The following PIEZO2 variants were observed in gnomAD, a reference collection of about 807,000 sequenced individuals.
PIEZO2 encodes piezo type mechanosensitive ion channel component 2.
A neutral mutation model predicts 337.3 loss-of-function variants in PIEZO2; 172 were observed. The ratio of observed to expected loss-of-function variants is 0.51; its 90% confidence interval spans 0.45 to 0.58. The LOEUF (loss-of-function observed/expected upper bound fraction) is 0.58. Ranked by LOEUF, PIEZO2 falls within the 20% of genes least tolerant of loss-of-function variation. The probability of loss-of-function intolerance (pLI) is 0.00; values close to 1 mark genes in which losing one functional copy is unlikely to be tolerated. For missense variants in PIEZO2, 3,028 were observed against 3,391.3 expected (o/e 0.89, Z 2.66); for synonymous variants, 1,251 against 1,228.5 (o/e 1.02, Z -0.38).
At chr18:11,006,095 G>A (rs1280647870) in intron 2 of PIEZO2, among the ~76,000 whole-genome samples, 2 of 151,994 alleles carry the variant, frequency 1.3e-5, no homozygotes, top group African/African-American at 4.8e-5. Flanking sequence ...AACAGATTTG[G>A]ACCTCTCAGG....
At chr18:11,044,279 G>C (rs1250428048) in intron 2 of PIEZO2, among the ~76,000 whole-genome samples, 1 of 151,476 alleles carries the variant, frequency 6.6e-6, no homozygotes, top group East Asian at 1.9e-4. Flanking sequence ...TCAAAATGTG[G>C]AAACAAATAT....
chr18:10,968,097 C>A (rs1485581288), intron 3 of PIEZO2, among the ~76,000 whole-genome samples: 2 of 152,010 alleles, frequency 1.3e-5, no homozygotes, highest in Non-Finnish European at 2.9e-5. Context: ...AGATTTAAGT[C>A]TTTGATCCAT....
In PIEZO2 at chr18:10,783,251, AG is replaced by A. The variant is rs1267046404; in HGVS notation, c.2492+1532del. On this transcript the variant is annotated intron_variant, in intron 17 of 55. Transcript: ENST00000674853. The surrounding 1 kb of genome is among the most constrained non-coding windows in gnomAD (Gnocchi z 4.3). ...CTAAAATACTTTGTAATTATTGAAT[AG>A]GGCCCTTGAAAAGAATGGTGAGGGC... Among the ~76,000 whole-genome samples, 1 of 152,224 alleles carries A rather than the reference AG, an allele frequency of 6.6e-6. No homozygotes were observed. The highest frequency in any genetic ancestry group is 6.5e-5 in the Admixed American group (1 of 15,286).
intron 3 of PIEZO2, among the ~76,000 whole-genome samples, chr18:10,915,961 G>T (rs264294): frequency 1.2e-3 from 2 of 1,630 alleles, no homozygotes; most frequent in Admixed American, 0.011. Flanking sequence ...TACAAACCTT[G>T]AGCTAGTCAC....
Position 10,962,284 on chromosome 18 carries a change from T to C in PIEZO2, c.286+17251A>G, listed in dbSNP as rs894583191. 6.6e-6 allele frequency among the ~76,000 whole-genome samples: 1 copy of C among 152,198 alleles called. No individual in the cohort carries two copies. Among genetic ancestry groups the C allele is most frequent in the Non-Finnish European group, 1.5e-5 (1 of 68,026 alleles). ...GCAATCGTAGCCCTTCTCCCATCCA[T>C]TCTGCATCTCCCCTCCGCTTGCCTG... On this transcript the variant is annotated intron_variant, in intron 3 of 55. Coordinates refer to ENST00000674853, the MANE Select transcript of PIEZO2 (RefSeq NM_001378183.1). The surrounding 1 kb of genome is among the most constrained non-coding windows in gnomAD (Gnocchi z 4.1).
At position 10,791,188 on chromosome 18, in the gene PIEZO2, T is replaced by C. The variant is rs1017582914; in HGVS notation, c.1882+13A>G. On this transcript the variant is annotated intron_variant, in intron 14 of 55. Coordinates refer to ENST00000674853, the MANE Select transcript of PIEZO2 (RefSeq NM_001378183.1). ...GCACCAAACTCTCCAGCCACACATA[T>C]ACACTAATTTACCTTTTTCTTCATT... 9.1e-6 allele frequency: 14 copies of C among 1,531,084 alleles called. No homozygotes were observed. The highest frequency in any genetic ancestry group is 4.1e-5 in the African/African-American group (3 of 72,754). The allele number at this position is 1,531,084 out of a possible 1,614,324, so 94.8% of individuals were successfully genotyped here.
chr18:10,946,779 T>C (rs1208127974), intron 3 of PIEZO2, among the ~76,000 whole-genome samples: 1 of 152,144 alleles, frequency 6.6e-6, no homozygotes, highest in African/African-American at 2.4e-5. Flanking sequence ...AATCTCATAA[T>C]ACAATATCCA....
At chr18:10,955,997 C>T (rs1014275965) in intron 3 of PIEZO2, among the ~76,000 whole-genome samples, 1 of 152,068 alleles carries the variant, frequency 6.6e-6, no homozygotes, top group Non-Finnish European at 1.5e-5. Flanking sequence ...CTTTGACATC[C>T]TTTCTTTGGG....
At position 10,671,798 on chromosome 18, in the gene PIEZO2, A is replaced by G; in HGVS notation, c.8346-19T>C. The G allele has an allele frequency of 6.3e-7, 1 of 1,590,762 alleles. No individual in the cohort carries two copies. The highest frequency in any genetic ancestry group is 8.6e-7 in the Non-Finnish European group (1 of 1,167,874). ...CATAATACTGAAAAAAACAGTAAGTAGAAATTGCATACAGCAGTTAAATAT... is the reference window on the plus strand; with the variant it reads ...CATAATACTGAAAAAAACAGTAAGTGGAAATTGCATACAGCAGTTAAATAT... On this transcript the variant is annotated intron_variant, in intron 55 of 55. Transcript: ENST00000674853.
intron 18 of PIEZO2, among the ~76,000 whole-genome samples, chr18:10,778,072 A>G (rs1338559108): frequency 1.3e-5 from 2 of 152,112 alleles, no homozygotes; most frequent in African/African-American, 4.8e-5. Flanking sequence ...ATTTTAATCA[A>G]CTCTTAAGTT....
chr18:11,017,475 A>T (rs2036156705), intron 2 of PIEZO2, among the ~76,000 whole-genome samples: 1 of 137,244 alleles, frequency 7.3e-6, no homozygotes, highest in African/African-American at 2.9e-5. Context: ...TTTGAGATGC[A>T]GTTTTGCTTT....
In PIEZO2 at chr18:10,759,116, T is replaced by G. The variant is rs1028908945; in HGVS notation, c.3757+366A>C. Among the ~76,000 whole-genome samples, 2 of 152,052 alleles carry G rather than the reference T, an allele frequency of 1.3e-5. No individual in the cohort carries two copies. Among genetic ancestry groups the G allele is most frequent in the African/African-American group, 2.4e-5 (1 of 41,410 alleles). Reference sequence around the variant, plus strand: ...CCACTGTCCCATGTTCAGGGTTTATTTATCTGCACTGGGAGCCAGAAACCA... The same window carrying G: ...CCACTGTCCCATGTTCAGGGTTTATGTATCTGCACTGGGAGCCAGAAACCA... On this transcript the variant is annotated intron_variant, in intron 26 of 55. Transcript: ENST00000674853. The surrounding 1 kb of genome is among the most constrained non-coding windows in gnomAD (Gnocchi z 5.5).
chr18:10,862,493 T>C lies in PIEZO2; in HGVS notation c.493-5282A>G, dbSNP rs1216478516. Among the ~76,000 whole-genome samples the C allele has an allele frequency of 1.3e-5, 2 of 152,208 alleles. No homozygotes were observed. Among genetic ancestry groups the C allele is most frequent in the Non-Finnish European group, 2.9e-5 (2 of 68,040 alleles). On this transcript the variant is annotated intron_variant, in intron 5 of 55. Transcript: ENST00000674853. The surrounding 1 kb of genome is among the most constrained non-coding windows in gnomAD (Gnocchi z 4.4). Reference sequence around the variant, plus strand: ...ACATCCTCTCACCCTACAGCAGTACTGGTTCCATTAAGCCGTGGCATCCAC... The same window carrying C: ...ACATCCTCTCACCCTACAGCAGTACCGGTTCCATTAAGCCGTGGCATCCAC...
intron 2 of PIEZO2, among the ~76,000 whole-genome samples, chr18:11,056,830 C>T (rs528748622): frequency 6.6e-6 from 1 of 152,116 alleles, no homozygotes; most frequent in African/African-American, 2.4e-5. Flanking sequence ...TACCCACAAA[C>T]CTAGGATAGA....
At position 10,713,358 on chromosome 18, in the gene PIEZO2, T is replaced by A. The variant is rs1166486559; in HGVS notation, c.5423+1406A>T. 1.3e-5 allele frequency among the ~76,000 whole-genome samples: 2 copies of A among 152,188 alleles called. No individual in the cohort carries two copies. The highest frequency in any genetic ancestry group is 2.4e-5 in the African/African-American group (1 of 41,452). ...ACTTTAGGGCAAAACTTTTTGGTTTTTTTTTTACCCACATTCCTCACTCAG... is the reference window on the plus strand; with the variant it reads ...ACTTTAGGGCAAAACTTTTTGGTTTATTTTTTACCCACATTCCTCACTCAG... On this transcript the variant is annotated intron_variant, in intron 39 of 55. Transcript: ENST00000674853. The surrounding 1 kb of genome is among the most constrained non-coding windows in gnomAD (Gnocchi z 4.5).
rs148532790 is a variant in PIEZO2 at position 10,837,589 on chromosome 18, T to G, written c.917+17764A>C. On this transcript the variant is annotated intron_variant, in intron 7 of 55. Transcript: ENST00000674853. This position sits in a 1 kb window ranked among gnomAD's most constrained non-coding sequence, Gnocchi z 4.4. The stretch of plus-strand genomic sequence containing the variant: ...ATCCAAAATTCTATGGTACAATCTA[T>G]GTAAGAAAAGGCCTAAAATCTAACT... Among the ~76,000 whole-genome samples the G allele has an allele frequency of 7.5e-3, 1,149 of 152,288 alleles. 9 individuals are homozygous for G. Among genetic ancestry groups the G allele is most frequent in the Middle Eastern group, 0.014 (4 of 294 alleles).
chr18:10,697,676 T>G (rs2035155200), intron 45 of PIEZO2, 72 bp downstream of exon 45: 1 of 1,552,992 alleles, frequency 6.4e-7, no homozygotes, highest in Non-Finnish European at 8.7e-7. Flanking sequence ...GCTCTGCTCC[T>G]GGTTTATAGG....
chr18:10,687,290 C>A (rs979748383), intron 49 of PIEZO2, among the ~76,000 whole-genome samples: 1 of 117,936 alleles, frequency 8.5e-6, no homozygotes, highest in Non-Finnish European at 1.9e-5. Context: ...CCTCACTCCC[C>A]GCAACCCATG....
intron 5 of PIEZO2, among the ~76,000 whole-genome samples, chr18:10,866,036 C>A: frequency 6.6e-6 from 1 of 152,012 alleles, no homozygotes; most frequent in East Asian, 1.9e-4. Context: ...AGGTGAAAGG[C>A]GTTTTTGGAG....
Sources: allele counts gnomAD v4.1 joint callset (sites outside exome capture counted in the v4.1 genomes callset), GRCh38; gene constraint gnomAD v4.1.1; non-coding constraint Gnocchi (gnomAD v3.1); transcripts MANE v1.5; gene names NCBI Gene and HGNC (gene_info 2026-07-23, HGNC 2026-07-21).